EXOC6B: variants seen among roughly 807,000 people sequenced by gnomAD.
EXOC6B encodes SEC15 homolog B.
A neutral mutation model predicts 113.5 loss-of-function variants in EXOC6B; 54 were observed. That is an observed-to-expected ratio of 0.48 (90% CI 0.38 to 0.60). EXOC6B has a LOEUF of 0.60. Among genes scored for constraint, EXOC6B ranks in the 20% least tolerant of loss-of-function variants. The pLI is 0.00. For synonymous variants in EXOC6B, 357 were observed against 339.0 expected (o/e 1.05, Z -0.58); for missense variants, 797 against 977.5 (o/e 0.82, Z 2.46).
At chr2:72,536,657 C>T (rs1321418769) in intron 8 of EXOC6B, among the ~76,000 whole-genome samples, 2 of 152,096 alleles carry the variant, frequency 1.3e-5, no homozygotes, top group Admixed American at 6.5e-5. Context: ...AAATAACTGT[C>T]AAAATAAATA....
chr2:72,533,540 G>A (rs1398678471), intron 8 of EXOC6B, among the ~76,000 whole-genome samples: 3 of 152,106 alleles, frequency 2.0e-5, no homozygotes, highest in Non-Finnish European at 4.4e-5. Flanking sequence ...AAACATATTT[G>A]CCCATCATCT....
intron 20 of EXOC6B, among the ~76,000 whole-genome samples, chr2:72,198,806 T>C (rs1679321579): frequency 6.6e-6 from 1 of 152,202 alleles, no homozygotes; most frequent in Non-Finnish European, 1.5e-5. Flanking sequence ...GCTATGCCAG[T>C]ACTTACACAA....
intron 1 of EXOC6B, among the ~76,000 whole-genome samples, chr2:72,771,534 A>G (rs918471701): frequency 6.6e-6 from 1 of 152,212 alleles, no homozygotes; most frequent in Non-Finnish European, 1.5e-5. Context: ...GATTATCCCA[A>G]TAATGCTCTT....
At chr2:72,451,043 T>C (rs991420856) in intron 18 of EXOC6B, among the ~76,000 whole-genome samples, 4 of 152,336 alleles carry the variant, frequency 2.6e-5, no homozygotes, top group East Asian at 1.9e-4. Flanking sequence ...CTATTTCCTT[T>C]ACCACCTGCA....
At chr2:72,593,694 A>G (rs1208603732) in intron 6 of EXOC6B, among the ~76,000 whole-genome samples, 1 of 152,020 alleles carries the variant, frequency 6.6e-6, no homozygotes, top group African/African-American at 2.4e-5. Flanking sequence ...CAAATTTGTA[A>G]TTATTAGATA....
chr2:72,274,425 C>T (rs1300571490), intron 20 of EXOC6B, among the ~76,000 whole-genome samples: 3 of 152,102 alleles, frequency 2.0e-5, no homozygotes, highest in African/African-American at 7.2e-5. Flanking sequence ...TTTGCAATGT[C>T]GAACCTTAAT....
In EXOC6B at chr2:72,773,277, C is replaced by T. The variant is rs568415096; in HGVS notation, c.114-31808G>A. The stretch of plus-strand genomic sequence containing the variant: ...AAGTAGCTGGGACCACAAGCATAAG[C>T]CACCATGCCCAGCTAATTTTTTTCA... On this transcript the variant is annotated intron_variant, in intron 1 of 21. Transcript: ENST00000272427. 4.0e-5 allele frequency among the ~76,000 whole-genome samples: 6 copies of T among 151,358 alleles called. No homozygotes were observed. The South Asian group carries it at 1.3e-3, about 32-fold the overall frequency.
In EXOC6B at chr2:72,228,349, G is replaced by C. The variant is rs141730502; in HGVS notation, c.2197-44162C>G. 9.7e-3 allele frequency among the ~76,000 whole-genome samples: 1,468 copies of C among 152,100 alleles called. 25 individuals carry two copies. The highest frequency in any genetic ancestry group is 0.032 in the African/African-American group (1,348 of 41,482). On this transcript the variant is annotated intron_variant, in intron 20 of 21. Coordinates refer to ENST00000272427, the MANE Select transcript of EXOC6B (RefSeq NM_015189.3). The stretch of plus-strand genomic sequence containing the variant: ...TGTTACATATGTATACATGTGCCAT[G>C]TTGGTGTGCTGCACCCATTAACTCG...
At chr2:72,743,855 C>A (rs987143205) in intron 1 of EXOC6B, among the ~76,000 whole-genome samples, 3 of 152,154 alleles carry the variant, frequency 2.0e-5, no homozygotes, top group Non-Finnish European at 2.9e-5. Context: ...CCACACCCCC[C>A]ACAGGAGGTC....
chr2:72,253,759 C>G (rs1388731576), intron 20 of EXOC6B, among the ~76,000 whole-genome samples: 1 of 152,170 alleles, frequency 6.6e-6, no homozygotes, highest in African/African-American at 2.4e-5. Flanking sequence ...ATGCTTACTA[C>G]TTGGGTGACA....
At chr2:72,664,821 T>C (rs1044910530) in intron 6 of EXOC6B, among the ~76,000 whole-genome samples, 1 of 152,224 alleles carries the variant, frequency 6.6e-6, no homozygotes, top group Non-Finnish European at 1.5e-5. Flanking sequence ...GGTGCTATGC[T>C]GGCAGCCCTG....
chr2:72,557,295 G>GC (rs1477423152), intron 8 of EXOC6B, among the ~76,000 whole-genome samples: 2 of 102,280 alleles, frequency 2.0e-5, no homozygotes, highest in East Asian at 2.9e-4. Flanking sequence ...AAATCCGGGG[G>GC]GGGGGGGGGG....
At chr2:72,289,080 C>A in intron 20 of EXOC6B, 1 of 296,458 alleles carries the variant, frequency 3.4e-6, no homozygotes, top group South Asian at 4.3e-5. Flanking sequence ...AAGATGAAAA[C>A]ACACAGGAGG....
chr2:72,529,093 G>T (rs1251896483), intron 8 of EXOC6B, among the ~76,000 whole-genome samples: 2 of 152,112 alleles, frequency 1.3e-5, no homozygotes, highest in African/African-American at 4.8e-5. Flanking sequence ...TTGAATAAAA[G>T]TTGTGAGAGC....
At chr2:72,270,982 G>A (rs1383396915) in intron 20 of EXOC6B, among the ~76,000 whole-genome samples, 2 of 152,166 alleles carry the variant, frequency 1.3e-5, no homozygotes, top group Non-Finnish European at 2.9e-5. Context: ...AGGAAGAGAT[G>A]AGCAATTCAA....
chr2:72,548,086 C>T (rs1703006041), intron 8 of EXOC6B, among the ~76,000 whole-genome samples: 1 of 152,078 alleles, frequency 6.6e-6, no homozygotes, highest in Non-Finnish European at 1.5e-5. Context: ...CTCAATTAAC[C>T]ACTATCTGAC....
intron 19 of EXOC6B, among the ~76,000 whole-genome samples, chr2:72,371,697 C>T (rs1403720267): frequency 6.6e-6 from 1 of 152,118 alleles, no homozygotes; most frequent in Non-Finnish European, 1.5e-5. Context: ...AAATAAAAGG[C>T]ATGTATGACA....
intron 1 of EXOC6B, among the ~76,000 whole-genome samples, chr2:72,797,568 C>A (rs1255082506): frequency 6.6e-6 from 1 of 152,188 alleles, no homozygotes; most frequent in Non-Finnish European, 1.5e-5. Flanking sequence ...AATCCCAGCA[C>A]TTTGGGAGGC....
chr2:72,499,802 A>G, intron 12 of EXOC6B, 99 bp downstream of exon 12: 4 of 763,852 alleles, frequency 5.2e-6, no homozygotes, highest in South Asian at 1.8e-5. Flanking sequence ...CCAAAGAACT[A>G]TGATTACAGG....
Sources: allele counts gnomAD v4.1 joint callset (sites outside exome capture counted in the v4.1 genomes callset), GRCh38; gene constraint gnomAD v4.1.1; transcripts MANE v1.5; gene names NCBI Gene and HGNC (gene_info 2026-07-23, HGNC 2026-07-21).